The following TUBG1 variants were observed in gnomAD, a reference collection of about 807,000 sequenced individuals.
The protein encoded by TUBG1 is tubulin gamma-1 chain.
A neutral mutation model predicts 53.3 loss-of-function variants in TUBG1; 22 were observed. That is an observed-to-expected ratio of 0.41 (90% confidence interval 0.29 to 0.59). The LOEUF is 0.59. Ranked by LOEUF, TUBG1 falls within the 20% of genes least tolerant of loss-of-function variation. The probability of loss-of-function intolerance (pLI) is 0.26; values close to 1 mark genes in which losing one functional copy is unlikely to be tolerated. For missense variants in TUBG1, 217 were observed against 598.9 expected (o/e 0.36, Z 6.66); for synonymous variants, 198 against 236.7 (o/e 0.84, Z 1.50).
At chr17:42,612,632 A>C (rs1283249285) in intron 5 of TUBG1, 126 bp downstream of exon 5, 6 of 916,480 alleles carry the variant, frequency 6.5e-6, no homozygotes, top group Non-Finnish European at 1.0e-5. Context: ...TCCTATAGAG[A>C]GGAAAATGAA....
Position 42,615,077 on chromosome 17 carries a change from G to C in TUBG1, c.*36G>C. 1 of 1,610,390 alleles carries C rather than the reference G, an allele frequency of 6.2e-7. No individual in the cohort carries two copies. The highest frequency in any genetic ancestry group is 8.5e-7 in the Non-Finnish European group (1 of 1,177,458). On this transcript the variant is annotated 3_prime_UTR_variant, in exon 11 of 11. Coordinates refer to ENST00000251413, the MANE Select transcript of TUBG1 (RefSeq NM_001070.5). ...ACAGGGACCCTCATCTGCCTTACTG[G>C]TTGGCCCAAGCCCTGCCTGACTGAC...
rs2052057171 is a variant in TUBG1 at position 42,614,062 on chromosome 17, C to T, written c.843+64C>T. On this transcript the variant is annotated intron_variant, in intron 8 of 10. Transcript: ENST00000251413. The surrounding 1 kb of genome is among the most constrained non-coding windows in gnomAD (Gnocchi z 5.1). ...TGGGCCCAACAGGCCCTGTCCTAGCCTTTCTCTCTTCCCCACTGCCCCAGG... is the reference window on the plus strand; with the variant it reads ...TGGGCCCAACAGGCCCTGTCCTAGCTTTTCTCTCTTCCCCACTGCCCCAGG... The T allele has an allele frequency of 6.2e-6, 10 of 1,609,410 alleles. No homozygotes were observed. In the South Asian group the frequency reaches 9.9e-5, roughly 16 times the overall value.
chr17:42,614,165 C>G lies in TUBG1; in HGVS notation c.844-95C>G, dbSNP rs2052058145. 1 of 1,597,672 alleles carries G rather than the reference C, an allele frequency of 6.3e-7. No individual in the cohort carries two copies. The highest frequency in any genetic ancestry group is 8.5e-7 in the Non-Finnish European group (1 of 1,170,292). On this transcript the variant is annotated intron_variant, in intron 8 of 10. Transcript: ENST00000251413. The surrounding 1 kb of genome is among the most constrained non-coding windows in gnomAD (Gnocchi z 5.1). Reference sequence around the variant, plus strand: ...GGCGACTTTCTTGCTGACTTGCTCTCCACCCTCCCTCTGCCTTTGGCTTCT... The same window carrying G: ...GGCGACTTTCTTGCTGACTTGCTCTGCACCCTCCCTCTGCCTTTGGCTTCT...
rs766588958 is a variant in TUBG1, at chr17:42,610,632, A to C, written c.330+42A>C. Reference sequence around the variant, plus strand: ...TGGCAGGGCCCACAACTCGCTGGGTAGGGACAGGCTCTATGACGTCCCGAA... The same window carrying C: ...TGGCAGGGCCCACAACTCGCTGGGTCGGGACAGGCTCTATGACGTCCCGAA... On this transcript the variant is annotated intron_variant, in intron 3 of 10. Coordinates refer to ENST00000251413, the MANE Select transcript of TUBG1 (RefSeq NM_001070.5). 7 of 1,613,732 alleles carry C rather than the reference A, an allele frequency of 4.3e-6. No homozygotes were observed. In the East Asian group the frequency reaches 1.6e-4, roughly 36 times the overall value.
chr17:42,613,446 A>G (rs944574016), intron 6 of TUBG1, among the ~76,000 whole-genome samples: 3 of 152,064 alleles, frequency 2.0e-5, no homozygotes, highest in African/African-American at 7.2e-5. Flanking sequence ...AAAAAAAAAA[A>G]CTGTTTAAAT....
rs1437817504 is a variant in TUBG1, at chr17:42,614,220, C to T, written c.844-40C>T. Reference sequence around the variant, plus strand: ...AAGAGAAGCCAAAGGGGGACTGTGCCCTGAGCGCTGGCCGGGTCCCTGTCT... The same window carrying T: ...AAGAGAAGCCAAAGGGGGACTGTGCTCTGAGCGCTGGCCGGGTCCCTGTCT... On this transcript the variant is annotated intron_variant, in intron 8 of 10. Coordinates refer to ENST00000251413, the MANE Select transcript of TUBG1 (RefSeq NM_001070.5). This position sits in a 1 kb window ranked among gnomAD's most constrained non-coding sequence, Gnocchi z 5.1. 1 of 1,613,374 alleles carries T rather than the reference C, an allele frequency of 6.2e-7. No individual in the cohort carries two copies. The highest frequency in any genetic ancestry group is 8.5e-7 in the Non-Finnish European group (1 of 1,179,614).
Position 42,612,431 on chromosome 17 carries a change from TTG to T in TUBG1, c.407_408del (p.Val136AlafsTer23). 1 of 1,613,884 alleles carries T rather than the reference TTG, an allele frequency of 6.2e-7. No individual in the cohort carries two copies. Among genetic ancestry groups the T allele is most frequent in the Non-Finnish European group, 8.5e-7 (1 of 1,179,920 alleles). ...GACTGCCCCTTCCCCATGCAGGGCT[TTG>T]TGCTGTGTCACTCCATTGCTGGGGG... On this transcript the variant is annotated frameshift_variant, in exon 5 of 11. Coordinates refer to ENST00000251413, the MANE Select transcript of TUBG1 (RefSeq NM_001070.5). LOFTEE classifies it high-confidence loss of function.
At chr17:42,611,038 C>G (rs2052028467) in intron 3 of TUBG1, 3 of 153,530 alleles carry the variant, frequency 2.0e-5, no homozygotes, top group Admixed American at 1.3e-4. Flanking sequence ...GTGGCACGCT[C>G]TCAGCTCACT....
In TUBG1 at chr17:42,612,995, C is replaced by G. The variant is rs143200134; in HGVS notation, c.528C>G (p.Asp176Glu). ...CATACTCAGTGTTTCCCAACCAGGA[C>G]GAGATGAGCGATGTGGTGGTCCAGC... ...VQTYSVFPNQ[D>E]EMSDVVVQPY... is the part of the protein sequence containing the mutation. Residue 176 changes from aspartate (D) to glutamate (E), a missense_variant, in exon 6 of 11, where the codon GAC becomes GAG. Asp to Glu is a conservative substitution (Grantham distance 45). This residue lies in a region of TUBG1 where 135 missense variants were observed against 371.2 expected (regional missense o/e 0.36). Coordinates refer to ENST00000251413, the MANE Select transcript of TUBG1 (RefSeq NM_001070.5). 3 of 1,614,138 alleles carry G rather than the reference C, an allele frequency of 1.9e-6. No homozygotes were observed. The highest frequency in any genetic ancestry group is 8.5e-7 in the Non-Finnish European group (1 of 1,180,016).
chr17:42,610,100 C>T lies in TUBG1; in HGVS notation c.50-8C>T, dbSNP rs1269165802. On this transcript the variant is annotated splice_region_variant and splice_polypyrimidine_tract_variant and intron_variant, in intron 1 of 10. Transcript: ENST00000251413. ...CTTCTTTCTCCCCTGCCCGCCCCTTCCCCCCAGTTGGGTTCGAGTTCTGGA... is the reference window on the plus strand; with the variant it reads ...CTTCTTTCTCCCCTGCCCGCCCCTTTCCCCCAGTTGGGTTCGAGTTCTGGA... The T allele has an allele frequency of 1.2e-6, 2 of 1,611,044 alleles. No homozygotes were observed. Among genetic ancestry groups the T allele is most frequent in the East Asian group, 2.2e-5 (1 of 44,852 alleles).
rs766461615 is a variant in TUBG1 at position 42,610,007 on chromosome 17, C to T, written c.50-101C>T. ...GACACGGGAGAGTCCTGCGGCTTGACTTCTTATCCCTGGACGCAGGCGCCC... is the reference window on the plus strand; with the variant it reads ...GACACGGGAGAGTCCTGCGGCTTGATTTCTTATCCCTGGACGCAGGCGCCC... On this transcript the variant is annotated intron_variant, in intron 1 of 10. Coordinates refer to ENST00000251413, the MANE Select transcript of TUBG1 (RefSeq NM_001070.5). 1.1e-5 allele frequency: 16 copies of T among 1,436,536 alleles called. No homozygotes were observed. In the Admixed American group the frequency reaches 2.2e-4, roughly 20 times the overall value. 89.0% of individuals were successfully genotyped at this position (1,436,536 alleles called of 1,614,324 possible).
chr17:42,610,261 G>A, intron 2 of TUBG1, 41 bp downstream of exon 2: 1 of 1,613,660 alleles, frequency 6.2e-7, no homozygotes, highest in Non-Finnish European at 8.5e-7. Flanking sequence ...GTTGCCCAAG[G>A]GGGCGGAAGG....
chr17:42,614,799 A>C lies in TUBG1; in HGVS notation c.1159-45A>C, dbSNP rs746816879. 6 of 1,612,916 alleles carry C rather than the reference A, an allele frequency of 3.7e-6. No individual in the cohort carries two copies. The highest frequency in any genetic ancestry group is 5.1e-6 in the Non-Finnish European group (6 of 1,179,362). ...GTTCCCCAGCTTTCTGGGCCACGTTATTCTTTGAAGTTCTTTGTAACCCCT... is the reference window on the plus strand; with the variant it reads ...GTTCCCCAGCTTTCTGGGCCACGTTCTTCTTTGAAGTTCTTTGTAACCCCT... On this transcript the variant is annotated intron_variant, in intron 10 of 10. Transcript: ENST00000251413. The surrounding 1 kb of genome is among the most constrained non-coding windows in gnomAD (Gnocchi z 5.1).
At position 42,615,147 on chromosome 17, in the gene TUBG1, C is replaced by T. The variant is rs2052066796; in HGVS notation, c.*106C>T. On this transcript the variant is annotated 3_prime_UTR_variant, in exon 11 of 11. Coordinates refer to ENST00000251413, the MANE Select transcript of TUBG1 (RefSeq NM_001070.5). Reference sequence around the variant, plus strand: ...TCAGGGACCTCACGCATCTCTTTCTCATATACATGGACTCTCTGTTGGCCT... The same window carrying T: ...TCAGGGACCTCACGCATCTCTTTCTTATATACATGGACTCTCTGTTGGCCT... 2 of 1,055,578 alleles carry T rather than the reference C, an allele frequency of 1.9e-6. No homozygotes were observed. Among genetic ancestry groups the T allele is most frequent in the Non-Finnish European group, 2.8e-6 (2 of 712,614 alleles). 65.4% of individuals were successfully genotyped at this position (1,055,578 alleles called of 1,614,324 possible).
rs1428615979 is a variant in TUBG1 at position 42,609,691 on chromosome 17, G to A, written c.-47G>A. 2 of 1,533,458 alleles carry A rather than the reference G, an allele frequency of 1.3e-6. No individual in the cohort carries two copies. The highest frequency in any genetic ancestry group is 1.8e-6 in the Non-Finnish European group (2 of 1,139,076). The allele number at this position is 1,533,458 out of a possible 1,614,324, so 95.0% of individuals were successfully genotyped here. A position where few individuals can be genotyped will look rare whatever the true frequency, so the allele number is the denominator to read the frequency against. Reference sequence around the variant, plus strand: ...CTTGCGGCGAGCGGGCTGGCGTGCGGCGCCGTTGCGGGCGGGAGCGGCTGC... The same window carrying A: ...CTTGCGGCGAGCGGGCTGGCGTGCGACGCCGTTGCGGGCGGGAGCGGCTGC... On this transcript the variant is annotated 5_prime_UTR_variant, in exon 1 of 11. Transcript: ENST00000251413.
Position 42,613,675 on chromosome 17 carries a change from G to A in TUBG1, c.635G>A (p.Arg212Gln), listed in dbSNP as rs753030139. 1.1e-5 allele frequency: 17 copies of A among 1,614,018 alleles called. No homozygotes were observed. The highest frequency in any genetic ancestry group is 1.6e-4 in the Middle Eastern group (1 of 6,062). ...VVVLDNTALN[R>Q]IATDRLHIQN... ...GTGCTGGACAACACAGCCCTGAACC[G>A]GATTGCCACAGACCGCCTGCACATC... is the stretch of plus-strand genomic sequence containing the variant. The change falls in exon 7 of 11, where the codon CGG becomes CAG. Residue 212 changes from arginine to glutamine, a missense_variant. Physicochemically the swap from Arg to Gln is conservative, Grantham distance 43. Around this residue, in one of 4 missense-constraint regions of TUBG1, gnomAD observed 135 missense variants for 371.2 expected, o/e 0.36. Transcript: ENST00000251413.
At chr17:42,612,249 T>C in intron 4 of TUBG1, 106 bp downstream of exon 4, 1 of 1,351,272 alleles carries the variant, frequency 7.4e-7, no homozygotes, top group Non-Finnish European at 1.1e-6. Flanking sequence ...CCCTTTGCAC[T>C]GGACAGAAGC....
chr17:42,611,505 C>G (rs1389975112), intron 3 of TUBG1, among the ~76,000 whole-genome samples: 1 of 152,104 alleles, frequency 6.6e-6, no homozygotes, highest in Non-Finnish European at 1.5e-5. Flanking sequence ...CTTCATTGTA[C>G]AGATGAGGAA....
rs1597750254 is a variant in TUBG1, at chr17:42,614,897, C to T, written c.1212C>T (p.Phe404=). 2 of 1,614,226 alleles carry T rather than the reference C, an allele frequency of 1.2e-6. No individual in the cohort carries two copies. The highest frequency in any genetic ancestry group is 1.7e-6 in the Non-Finnish European group (2 of 1,180,044). The part of the protein sequence containing the change: ...QYDKLRKREA[F]LEQFRKEDMF... ...ACAAGCTGCGTAAGCGGGAGGCCTT[C>T]CTGGAGCAGTTCCGCAAGGAGGACA... is the stretch of plus-strand genomic sequence containing the variant. Residue 404 remains phenylalanine, a synonymous_variant, in exon 11 of 11, where the codon TTC becomes TTT. Transcript: ENST00000251413. The surrounding 1 kb of genome is among the most constrained non-coding windows in gnomAD (Gnocchi z 5.1).
Sources: allele counts gnomAD v4.1 joint callset (sites outside exome capture counted in the v4.1 genomes callset), GRCh38; gene constraint gnomAD v4.1.1; regional missense constraint gnomAD v4.1.1; non-coding constraint Gnocchi (gnomAD v3.1); transcripts MANE v1.5; gene names NCBI Gene and HGNC (gene_info 2026-07-23, HGNC 2026-07-21).